WNK2: variants seen among roughly 807,000 people sequenced by gnomAD.
WNK2 encodes the protein serine/threonine-protein kinase WNK2.
WNK2 carries 67 observed loss-of-function variants against 192.1 expected under a neutral mutation model. That is an observed-to-expected ratio of 0.35 (90% confidence interval 0.29 to 0.43). The LOEUF is 0.43. Ranked by LOEUF, WNK2 falls within the 20% of genes least tolerant of loss-of-function variation. WNK2 has a pLI of 1.00. For missense variants in WNK2, 2,698 were observed against 3,089.7 expected, an observed-to-expected ratio of 0.87 and a Z score of 3.01; for synonymous variants, 1,439 against 1,393.9, an observed-to-expected ratio of 1.03 and a Z score of -0.72.
At chr9:93,202,083 C>T (rs561429023) in intron 2 of WNK2, among the ~76,000 whole-genome samples, 4 of 152,316 alleles carry the variant, frequency 2.6e-5, no homozygotes, top group South Asian at 2.1e-4. Flanking sequence ...CTGGGACATA[C>T]GTAGTTCCTG....
chr9:93,306,730 G>A, intron 26 of WNK2, 47 bp from the exon 27 acceptor site: 1 of 1,613,048 alleles, frequency 6.2e-7, no homozygotes, highest in Non-Finnish European at 8.5e-7. Flanking sequence ...AGTGTGTGCT[G>A]TTCTGCCTAA....
rs10761202 is a variant in WNK2, at chr9:93,257,688, C to T, written c.2382+549C>T. 0.38 allele frequency among the ~76,000 whole-genome samples: 57,135 copies of T among 152,134 alleles called. 12,781 individuals carry two copies. Among genetic ancestry groups the T allele is most frequent in the Admixed American group, 0.5 (7,621 of 15,286 alleles). ...TCTTCCTGTGGAGCTCCTCCAGGGC[C>T]GTGTGGCATGTGGCTCCTCGGAGTT... On this transcript the variant is annotated intron_variant, in intron 11 of 29. Transcript: ENST00000427277. This position sits in a 1 kb window ranked among gnomAD's most constrained non-coding sequence, Gnocchi z 4.7.
chr9:93,262,864 G>T, intron 14 of WNK2, 145 bp downstream of exon 14: 1 of 872,518 alleles, frequency 1.1e-6, no homozygotes, highest in Admixed American at 2.1e-5. Context: ...ACCTGACCTG[G>T]TGGAGCCTCA....
chr9:93,292,407 C>T lies in WNK2; in HGVS notation c.5025+11C>T. ...CCCAGCGTCCCCCAGGTAAGGGCGA[C>T]TTGACGACCCCCTGGCTGGTTGGCA... is the stretch of plus-strand genomic sequence containing the variant. On this transcript the variant is annotated intron_variant, in intron 22 of 29. Coordinates refer to ENST00000427277, the MANE Select transcript of WNK2 (RefSeq NM_006648.4). 1 of 1,613,944 alleles carries T rather than the reference C, an allele frequency of 6.2e-7. No homozygotes were observed. Among genetic ancestry groups the T allele is most frequent in the South Asian group, 1.1e-5 (1 of 91,080 alleles).
chr9:93,189,163 A>G (rs889664004), intron 2 of WNK2, among the ~76,000 whole-genome samples: 1 of 152,030 alleles, frequency 6.6e-6, no homozygotes, highest in African/African-American at 2.4e-5. Context: ...ACCTGGAGTA[A>G]GCTTGGTTTT....
intron 4 of WNK2, among the ~76,000 whole-genome samples, chr9:93,233,701 C>CA (rs34665591): frequency 0.74 from 74,466 of 100,192 alleles, 26,941 homozygotes; most frequent in East Asian, 0.79. Flanking sequence ...GATTCCGTCT[C>CA]AAAAAAAAAA....
Position 93,257,224 on chromosome 9 carries a change from G to A in WNK2, c.2382+85G>A. On this transcript the variant is annotated intron_variant, in intron 11 of 29. Transcript: ENST00000427277. This position sits in a 1 kb window ranked among gnomAD's most constrained non-coding sequence, Gnocchi z 4.7. ...GTGCACTAGGACACCCACAGAGGGGGTTGTCTGTGCATGTGACCTGTGACC... is the reference window on the plus strand; with the variant it reads ...GTGCACTAGGACACCCACAGAGGGGATTGTCTGTGCATGTGACCTGTGACC... The A allele has an allele frequency of 1.4e-6, 2 of 1,437,070 alleles. No individual in the cohort carries two copies. The highest frequency in any genetic ancestry group is 1.9e-6 in the Non-Finnish European group (2 of 1,066,696). 89.0% of individuals were successfully genotyped at this position (1,437,070 alleles called of 1,614,324 possible). A position where few individuals can be genotyped will look rare whatever the true frequency, so the allele number is the denominator to read the frequency against.
chr9:93,231,586 C>T (rs1442904359), intron 4 of WNK2, among the ~76,000 whole-genome samples: 3 of 152,146 alleles, frequency 2.0e-5, no homozygotes, highest in Non-Finnish European at 4.4e-5. Flanking sequence ...CCAGTGTCAC[C>T]CGGGCTGTGA....
Position 93,206,173 on chromosome 9 carries a change from A to T in WNK2, c.681+20563A>T, listed in dbSNP as rs577117994. Among the ~76,000 whole-genome samples, 3 of 152,322 alleles carry T rather than the reference A, an allele frequency of 2.0e-5. No homozygotes were observed. The East Asian group carries it at 5.8e-4, about 29-fold the overall frequency. ...TCTCCTGTCCTCCCTGCCAAGGCCC[A>T]TGTGGACAGTGTGATCTGTCTGGAG... On this transcript the variant is annotated intron_variant, in intron 2 of 29. Transcript: ENST00000427277.
intron 4 of WNK2, among the ~76,000 whole-genome samples, chr9:93,232,281 C>T (rs966659484): frequency 7.2e-5 from 11 of 152,140 alleles, no homozygotes; most frequent in African/African-American, 2.7e-4. Flanking sequence ...CCGGGGGTGG[C>T]CCTGTGTACA....
chr9:93,295,891 T>C (rs2133951885), intron 23 of WNK2, among the ~76,000 whole-genome samples: 5 of 122,616 alleles, frequency 4.1e-5, no homozygotes, highest in African/African-American at 1.3e-4. Context: ...CATCCTCAAC[T>C]CACTTTCCTC....
In WNK2 at chr9:93,210,172, C is replaced by T. The variant is rs533890574; in HGVS notation, c.682-19524C>T. Among the ~76,000 whole-genome samples the T allele has an allele frequency of 2.6e-5, 4 of 152,254 alleles. No homozygotes were observed. In the South Asian group the frequency reaches 6.2e-4, roughly 24 times the overall value. On this transcript the variant is annotated intron_variant, in intron 2 of 29. Coordinates refer to ENST00000427277, the MANE Select transcript of WNK2 (RefSeq NM_006648.4). ...CACTGTCCCCACGTGAGTGACTTCCCTGCCTCTCTGCAGTAAGCGTTCCCA... is the reference window on the plus strand; with the variant it reads ...CACTGTCCCCACGTGAGTGACTTCCTTGCCTCTCTGCAGTAAGCGTTCCCA...
intron 28 of WNK2, chr9:93,308,807 C>T: frequency 7.1e-7 from 1 of 1,402,804 alleles, no homozygotes; most frequent in Non-Finnish European, 9.3e-7. Flanking sequence ...AAAGGACAGG[C>T]CAGGCCAGGC....
At chr9:93,219,236 T>G (rs762260130) in intron 2 of WNK2, among the ~76,000 whole-genome samples, 1 of 152,204 alleles carries the variant, frequency 6.6e-6, no homozygotes, top group Non-Finnish European at 1.5e-5. Context: ...ATGTGAATGG[T>G]CTGTATCTAC....
chr9:93,242,930 T>C (rs1399215609), intron 7 of WNK2, among the ~76,000 whole-genome samples: 1 of 152,180 alleles, frequency 6.6e-6, no homozygotes, highest in Non-Finnish European at 1.5e-5. Flanking sequence ...GGCGCTCTTG[T>C]TCCTTCCATG....
intron 4 of WNK2, among the ~76,000 whole-genome samples, chr9:93,233,166 C>T (rs958959235): frequency 3.6e-5 from 5 of 138,218 alleles, no homozygotes; most frequent in Non-Finnish European, 4.5e-5. Flanking sequence ...CCACTGCACT[C>T]GAGCCTGGGC....
Position 93,292,913 on chromosome 9 carries a change from G to A in WNK2, c.5448G>A (p.Ala1816=), listed in dbSNP as rs373932974. ...ACTCTGGGGACGAGGGCCCTCGGGC[G>A]AGACCCCCGGTGCAGAAGCAGGCGT... The part of the protein sequence containing the change: ...SSDSGDEGPR[A]RPPVQKQASL... Residue 1816 remains alanine (A), a synonymous_variant, in exon 23 of 30, where the codon GCG becomes GCA. Coordinates refer to ENST00000427277, the MANE Select transcript of WNK2 (RefSeq NM_006648.4). 236 of 1,523,852 alleles carry A rather than the reference G, an allele frequency of 1.5e-4. No individual in the cohort carries two copies. Among genetic ancestry groups the A allele is most frequent in the Admixed American group, 3.5e-4 (17 of 48,414 alleles). The allele number at this position is 1,523,852 out of a possible 1,614,324, so 94.4% of individuals were successfully genotyped here.
chr9:93,275,743 T>C (rs1846762736), intron 19 of WNK2, among the ~76,000 whole-genome samples: 2 of 152,222 alleles, frequency 1.3e-5, no homozygotes, highest in African/African-American at 4.8e-5. Flanking sequence ...AACTAATAAG[T>C]GAGTTTAGCA....
At chr9:93,284,674 G>A (rs1848202298) in intron 19 of WNK2, among the ~76,000 whole-genome samples, 1 of 152,132 alleles carries the variant, frequency 6.6e-6, no homozygotes, top group Non-Finnish European at 1.5e-5. Flanking sequence ...AAAGCAGTGG[G>A]ACTGAAGAAG....
Sources: allele counts gnomAD v4.1 joint callset (sites outside exome capture counted in the v4.1 genomes callset), GRCh38; gene constraint gnomAD v4.1.1; non-coding constraint Gnocchi (gnomAD v3.1); transcripts MANE v1.5; gene names NCBI Gene and HGNC (gene_info 2026-07-23, HGNC 2026-07-21).